Variants in MYRIP observed in about 807,000 individuals in gnomAD.
MYRIP encodes myosin VIIA and Rab interacting protein.
Under a neutral mutation model 98.0 loss-of-function variants are expected in MYRIP, and 49 were observed. The ratio of observed to expected loss-of-function variants is 0.50; its 90% CI spans 0.40 to 0.63. The LOEUF is 0.63. Ranked by LOEUF, MYRIP falls within the 30% of genes least tolerant of loss-of-function variation. The probability of loss-of-function intolerance (pLI) is 0.00; values close to 1 mark genes in which losing one functional copy is unlikely to be tolerated. For synonymous variants in MYRIP, 404 were observed against 409.5 expected (o/e 0.99, Z 0.16); for missense variants, 1,004 against 1,058.2 (o/e 0.95, Z 0.71).
chr3:39,954,637 T>C (rs1016957386), intron 2 of MYRIP, among the ~76,000 whole-genome samples: 4 of 152,114 alleles, frequency 2.6e-5, no homozygotes, highest in African/African-American at 9.7e-5. Context: ...TGCAGCCCCT[T>C]GCCAGCAACG....
intron 2 of MYRIP, among the ~76,000 whole-genome samples, chr3:39,904,649 T>C (rs557348871): frequency 1.3e-5 from 2 of 152,158 alleles, no homozygotes; most frequent in African/African-American, 2.4e-5. Flanking sequence ...AGAAGGACAC[T>C]GGGGAAAGCT....
intron 10 of MYRIP, among the ~76,000 whole-genome samples, chr3:40,207,021 A>C (rs1951807420): frequency 6.6e-6 from 1 of 152,212 alleles, no homozygotes; most frequent in Admixed American, 6.5e-5. Flanking sequence ...AGAGAAGGTC[A>C]CCATGGCTGA....
Position 40,182,219 on chromosome 3 carries a change from G to A in MYRIP, c.874-1G>A. ...CCCCTTCCCCTCTTTCCTTTCCACAGAGGTCCCAGTCTGCCTTCTCAATCA... is the reference window on the plus strand; with the variant it reads ...CCCCTTCCCCTCTTTCCTTTCCACAAAGGTCCCAGTCTGCCTTCTCAATCA... On this transcript the variant is annotated splice_acceptor_variant, in intron 8 of 16. Transcript: ENST00000302541. LOFTEE classifies it high-confidence loss of function. 3 of 1,604,454 alleles carry A rather than the reference G, an allele frequency of 1.9e-6. No individual in the cohort carries two copies. The South Asian group carries it at 3.4e-5, about 18-fold the overall frequency.
intron 2 of MYRIP, among the ~76,000 whole-genome samples, chr3:39,962,194 C>A (rs560821168): frequency 6.6e-6 from 1 of 152,118 alleles, no homozygotes; most frequent in South Asian, 2.1e-4. Flanking sequence ...TACCACCTAT[C>A]TCCAGATTGT....
chr3:40,183,249 G>A (rs984935806), intron 9 of MYRIP, among the ~76,000 whole-genome samples: 3 of 152,164 alleles, frequency 2.0e-5, no homozygotes, highest in Non-Finnish European at 2.9e-5. Context: ...CCAGTAACAC[G>A]GCTGGGCCAT....
chr3:39,895,328 A>AG (rs1441118591), intron 1 of MYRIP, among the ~76,000 whole-genome samples: 1 of 151,972 alleles, frequency 6.6e-6, no homozygotes, highest in East Asian at 1.9e-4. Flanking sequence ...CTGGGACTAC[A>AG]GGTGCCTGCC....
chr3:39,876,287 CTT>C (rs1455488449), intron 1 of MYRIP, among the ~76,000 whole-genome samples: 2 of 152,278 alleles, frequency 1.3e-5, no homozygotes, highest in African/African-American at 2.4e-5. Flanking sequence ...GGTCTTGACT[CTT>C]TATCCAATTT....
chr3:39,996,882 C>T (rs1475714586), intron 2 of MYRIP, among the ~76,000 whole-genome samples: 1 of 152,188 alleles, frequency 6.6e-6, no homozygotes, highest in African/African-American at 2.4e-5. Context: ...AAGAAACTCA[C>T]TCAAAACTGC....
chr3:40,251,756 A>T, intron 15 of MYRIP, 125 bp from the exon 16 acceptor site: 1 of 655,720 alleles, frequency 1.5e-6, no homozygotes, highest in Non-Finnish European at 2.7e-6. Flanking sequence ...TCAATCAAAC[A>T]CAGTACAGGA....
At chr3:40,235,162 C>A (rs1952793406) in intron 12 of MYRIP, among the ~76,000 whole-genome samples, 1 of 152,184 alleles carries the variant, frequency 6.6e-6, no homozygotes, top group Non-Finnish European at 1.5e-5. Flanking sequence ...GAGTAAGACT[C>A]TACTGCATTA....
At chr3:39,841,854 A>T (rs1941809175) in intron 1 of MYRIP, among the ~76,000 whole-genome samples, 1 of 152,176 alleles carries the variant, frequency 6.6e-6, no homozygotes, top group South Asian at 2.1e-4. Context: ...GGCACCCCGC[A>T]GATGCCAGCT....
chr3:40,025,274 T>A (rs1236656086), intron 2 of MYRIP, among the ~76,000 whole-genome samples: 1 of 152,198 alleles, frequency 6.6e-6, no homozygotes, highest in African/African-American at 2.4e-5. Flanking sequence ...TTGTTGTGTG[T>A]CATTAACATT....
Position 40,194,768 on chromosome 3 carries a change from A to G in MYRIP, c.1665+4305A>G, listed in dbSNP as rs1461169465. Reference sequence around the variant, plus strand: ...TATAGATTTTTTTCAAAGCTCTTATACTCTTCTTGTCAAGTAATTTTTAAT... The same window carrying G: ...TATAGATTTTTTTCAAAGCTCTTATGCTCTTCTTGTCAAGTAATTTTTAAT... On this transcript the variant is annotated intron_variant, in intron 10 of 16. Transcript: ENST00000302541. 4.6e-5 allele frequency among the ~76,000 whole-genome samples: 7 copies of G among 151,622 alleles called. No individual in the cohort carries two copies. The East Asian group carries it at 1.4e-3, about 29-fold the overall frequency.
At chr3:40,243,429 A>G (rs191130851) in intron 12 of MYRIP, among the ~76,000 whole-genome samples, 1 of 149,718 alleles carries the variant, frequency 6.7e-6, no homozygotes, top group Admixed American at 6.6e-5. Flanking sequence ...GTGCATGACT[A>G]GTGTACCTGA....
intron 2 of MYRIP, among the ~76,000 whole-genome samples, chr3:40,000,041 G>C (rs941120457): frequency 9.0e-6 from 1 of 110,714 alleles, no homozygotes; most frequent in East Asian, 3.3e-4. Flanking sequence ...GGAGGGGAGG[G>C]GGGAGGGATA....
At chr3:39,947,107 A>T (rs375484463) in intron 2 of MYRIP, among the ~76,000 whole-genome samples, 2 of 152,318 alleles carry the variant, frequency 1.3e-5, no homozygotes, top group East Asian at 3.9e-4. Context: ...TACTAAGAGA[A>T]ATAGGCAAAT....
intron 1 of MYRIP, among the ~76,000 whole-genome samples, chr3:39,871,682 A>G (rs1272271707): frequency 1.3e-5 from 2 of 152,146 alleles, no homozygotes; most frequent in Non-Finnish European, 2.9e-5. Flanking sequence ...GATAGCTACT[A>G]TCATTATTAT....
intron 2 of MYRIP, among the ~76,000 whole-genome samples, chr3:39,912,522 T>C (rs1559519750): frequency 6.6e-6 from 1 of 152,208 alleles, no homozygotes; most frequent in Non-Finnish European, 1.5e-5. Flanking sequence ...AGCAAAATCC[T>C]TTAAAACCAG....
At chr3:40,191,217 C>A (rs1012152703) in intron 10 of MYRIP, among the ~76,000 whole-genome samples, 9 of 152,196 alleles carry the variant, frequency 5.9e-5, no homozygotes, top group Non-Finnish European at 1.2e-4. Flanking sequence ...CACATGCACA[C>A]TCACACATGC....
Sources: allele counts gnomAD v4.1 joint callset (sites outside exome capture counted in the v4.1 genomes callset), GRCh38; gene constraint gnomAD v4.1.1; transcripts MANE v1.5; gene names NCBI Gene and HGNC (gene_info 2026-07-23, HGNC 2026-07-21).